Variants in FAHD2B observed in about 807,000 individuals in gnomAD.
FAHD2B encodes oxaloacetate tautomerase FAHD2B, mitochondrial.
Under a neutral mutation model 33.7 loss-of-function variants are expected in FAHD2B, and 26 were observed. The ratio of observed to expected loss-of-function variants is 0.77; its 90% CI spans 0.57 to 1.07. FAHD2B has a LOEUF of 1.07. Among genes scored for constraint, FAHD2B ranks in the 50% least tolerant of loss-of-function variants. The pLI, the probability that FAHD2B is intolerant of heterozygous loss-of-function variation, is 0.00. For synonymous variants in FAHD2B, 108 were observed against 150.9 expected, an observed-to-expected ratio of 0.72 and a Z score of 2.08; for missense variants, 272 against 388.1, an observed-to-expected ratio of 0.70 and a Z score of 2.51.
rs1426948394 is a variant in FAHD2B, at chr2:97,087,739, T to C, written c.463-1541A>G. On this transcript the variant is annotated intron_variant, in intron 4 of 8. Transcript: ENST00000414820. ...TGCTCTTCATCCCCCAATGCAATAA[T>C]GGGTCCAGTAAGGATGACTACAGGA... Among the ~76,000 whole-genome samples the C allele has an allele frequency of 1.3e-5, 2 of 152,084 alleles. 1 individual carries two copies.
At chr2:97,084,516 T>A (rs2031832487) in intron 6 of FAHD2B, among the ~76,000 whole-genome samples, 1 of 151,612 alleles carries the variant, frequency 6.6e-6, no homozygotes, top group African/African-American at 2.4e-5. Flanking sequence ...GAGAGGATGT[T>A]CCAGACTCTG....
In FAHD2B at chr2:97,083,638, C is replaced by T. The variant is rs1277161472; in HGVS notation, c.*117G>A. ...AGAGCTCTGTCCTTCTCCCTTCTAC[C>T]GAGAAGAGGCGGCTTGCAGGGCTGG... On this transcript the variant is annotated 3_prime_UTR_variant, in exon 9 of 9. Transcript: ENST00000414820. 8.5e-6 allele frequency: 13 copies of T among 1,524,854 alleles called. No homozygotes were observed. The highest frequency in any genetic ancestry group is 4.7e-5 in the South Asian group (4 of 85,008). The allele number at this position is 1,524,854 out of a possible 1,614,324, so 94.5% of individuals were successfully genotyped here. A position where few individuals can be genotyped will look rare whatever the true frequency, so the allele number is the denominator to read the frequency against.
downstream of FAHD2B, among the ~76,000 whole-genome samples, chr2:97,078,792 A>T (rs2031561725): frequency 6.6e-6 from 1 of 152,068 alleles, no homozygotes; most frequent in Admixed American, 6.6e-5. Flanking sequence ...GTACATGTGC[A>T]GGATGTGCAG....
chr2:97,082,560 G>A (rs1250175519), downstream of FAHD2B: 4 of 1,589,816 alleles, frequency 2.5e-6, 1 homozygote, highest in Admixed American at 3.5e-5. Flanking sequence ...AGTCTAGGAA[G>A]GTGGGCTGCA....
downstream of FAHD2B, chr2:97,081,638 C>T: frequency 1.4e-6 from 2 of 1,450,174 alleles, no homozygotes; most frequent in Non-Finnish European, 9.1e-7. Flanking sequence ...GGTGGGCAGC[C>T]CCTGGCCTTG....
chr2:97,089,806 T>C, intron 4 of FAHD2B: 2 of 467,286 alleles, frequency 4.3e-6, no homozygotes, highest in South Asian at 2.3e-5. Context: ...GGAGAAACAC[T>C]GGGAAGGTAG....
At chr2:97,090,831 G>A (rs962394943) in intron 3 of FAHD2B, among the ~76,000 whole-genome samples, 40 of 149,940 alleles carry the variant, frequency 2.7e-4, no homozygotes, top group Admixed American at 2.7e-4. Context: ...TGAGGGGCAT[G>A]GAGATTTCCA....
At chr2:97,081,449 T>C, downstream of FAHD2B, 1 of 1,571,120 alleles carries the variant, frequency 6.4e-7, no homozygotes, top group Non-Finnish European at 8.6e-7. Context: ...CCTGCCAGTC[T>C]TCCTACTGCT....
chr2:97,093,216 G>A (rs1257101), intron 1 of FAHD2B, among the ~76,000 whole-genome samples: 88,848 of 151,736 alleles, frequency 0.59, 30,407 homozygotes, highest in Non-Finnish European at 0.78. Flanking sequence ...TCCTCACTTG[G>A]AGATTCAATC....
In FAHD2B at chr2:97,085,730, G is replaced by T. The variant is rs2031933504; in HGVS notation, c.654C>A (p.Gly218=). ...CACTGTCCTTGGTCACCAAGGCAGG[G>T]CCCAGAGGGCAGAAGGTGTCGAAGG... ...GKTFDTFCPL[G]PALVTKDSVA... The change falls in exon 6 of 9, where the codon GGC becomes GGA. Residue 218 remains glycine (G), a synonymous_variant. Transcript: ENST00000414820. The T allele has an allele frequency of 6.2e-7, 1 of 1,613,696 alleles. No individual in the cohort carries two copies. The highest frequency in any genetic ancestry group is 1.3e-5 in the African/African-American group (1 of 74,936).
Position 97,090,462 on chromosome 2 carries a change from G to T in FAHD2B, c.246-137C>A, listed in dbSNP as rs2924056. On this transcript the variant is annotated intron_variant, in intron 3 of 8. Coordinates refer to ENST00000414820, the MANE Select transcript of FAHD2B (RefSeq NM_001320848.2). ...CTAGCTCTATCAACCATCAGAGTCA[G>T]TGTGAAAACCACTGACTATTGTCCT... is the stretch of plus-strand genomic sequence containing the variant. The T allele has an allele frequency of 1.0e-3, 1,498 of 1,453,628 alleles. 7 individuals carry two copies. In the Middle Eastern group the frequency reaches 0.013, roughly 13 times the overall value. 90.0% of individuals were successfully genotyped at this position (1,453,628 alleles called of 1,614,324 possible).
downstream of FAHD2B, chr2:97,081,315 C>G: frequency 6.6e-7 from 1 of 1,515,988 alleles, no homozygotes; most frequent in Non-Finnish European, 8.8e-7. Flanking sequence ...AATGGCCCAT[C>G]CCTGCCCATG....
rs201159098 is a variant in FAHD2B at position 97,083,744 on chromosome 2, T to G, written c.*11A>C. 8.4e-3 allele frequency: 13,520 copies of G among 1,613,534 alleles called. 29 individuals are homozygous for G. Among genetic ancestry groups the G allele is most frequent in the Non-Finnish European group, 0.01 (11,840 of 1,179,498 alleles). ...ATGCCCTCATCCTATGTCGGGCCTG[T>G]GCAGGAGCCATCACACCACCTTGTT... On this transcript the variant is annotated 3_prime_UTR_variant, in exon 9 of 9. Transcript: ENST00000414820.
Position 97,084,188 on chromosome 2 carries a change from G to A in FAHD2B, c.775C>T (p.Leu259=), listed in dbSNP as rs1345793698. 6.2e-7 allele frequency: 1 copy of A among 1,613,798 alleles called. No homozygotes were observed. The highest frequency in any genetic ancestry group is 1.1e-5 in the South Asian group (1 of 90,980). The change falls in exon 7 of 9, where the codon CTG becomes TTG. Residue 259 remains leucine (L), a synonymous_variant. Coordinates refer to ENST00000414820, the MANE Select transcript of FAHD2B (RefSeq NM_001320848.2). ...TNQMVFKTED[L]IAWVSQFVTF... is the part of the protein sequence containing the mutation. ...ACTCACTGGGAGACCCAGGCTATCA[G>A]GTCCTCTGTCTTGAATACCATCTGG... is the stretch of plus-strand genomic sequence containing the variant.
intron 1 of FAHD2B, among the ~76,000 whole-genome samples, chr2:97,093,624 G>T (rs1256538703): frequency 6.6e-6 from 1 of 151,972 alleles, no homozygotes; most frequent in African/African-American, 2.4e-5. Flanking sequence ...ACAGGCGCAT[G>T]CCGCCACGCC....
At chr2:97,092,878 C>T (rs2153384071) in intron 1 of FAHD2B, among the ~76,000 whole-genome samples, 1 of 138,418 alleles carries the variant, frequency 7.2e-6, no homozygotes, top group Non-Finnish European at 1.5e-5. Context: ...GAAGCTGAGA[C>T]AAGAGAATCA....
intron 4 of FAHD2B, chr2:97,086,728 G>A (rs1380918139): frequency 6.5e-6 from 1 of 153,914 alleles, no homozygotes; most frequent in Non-Finnish European, 1.4e-5. Context: ...ATATAATTTG[G>A]CCTTCAAAAT....
At chr2:97,090,452 A>G (rs1010795974) in intron 3 of FAHD2B, 127 bp from the exon 4 acceptor site, 69 of 1,459,562 alleles carry the variant, frequency 4.7e-5, no homozygotes, top group Non-Finnish European at 6.1e-5. Flanking sequence ...TCTATCAACC[A>G]TCAGAGTCAG....
At chr2:97,082,613 C>T (rs567745419), downstream of FAHD2B, 67 of 1,562,032 alleles carry the variant, frequency 4.3e-5, no homozygotes, top group East Asian at 7.6e-4. Flanking sequence ...CTATCCCTCC[C>T]GGGGCTTCTT....
Sources: gnomAD v4.1 joint callset for allele counts (sites outside exome capture counted in the v4.1 genomes callset) on GRCh38, gnomAD v4.1.1 for gene constraint, MANE v1.5 for transcripts, NCBI Gene and HGNC (gene_info 2026-07-23, HGNC 2026-07-21) for gene names.